The following B3GAT2 variants were observed in gnomAD, a reference collection of about 807,000 sequenced individuals.
The protein encoded by B3GAT2 is beta-1,3-glucuronyltransferase 2.
B3GAT2 carries 26 observed loss-of-function variants against 27.8 expected under a neutral mutation model. That is an observed-to-expected ratio of 0.93 (90% CI 0.68 to 1.30). The LOEUF (loss-of-function observed/expected upper bound fraction) is 1.30, where lower values mean the gene tolerates loss of function less well. Ranked by LOEUF, B3GAT2 falls within the 50% of genes most tolerant of loss-of-function variation. The probability of loss-of-function intolerance (pLI) is 0.00; values close to 1 mark genes in which losing one functional copy is unlikely to be tolerated. For missense variants in B3GAT2, 458 were observed against 459.0 expected (o/e 1.00, Z 0.02); for synonymous variants, 218 against 195.1 (o/e 1.12, Z -0.98).
At chr6:70,926,238 C>G (rs1005108570) in intron 1 of B3GAT2, among the ~76,000 whole-genome samples, 4 of 152,090 alleles carry the variant, frequency 2.6e-5, no homozygotes, top group African/African-American at 9.7e-5. Flanking sequence ...AGTAGAAAAG[C>G]CAAAAATTTT....
chr6:70,913,472 T>C (rs950065418), intron 1 of B3GAT2, among the ~76,000 whole-genome samples: 3 of 152,234 alleles, frequency 2.0e-5, no homozygotes, highest in Admixed American at 2.0e-4. Context: ...CAAAAGTCAT[T>C]CAGGAGCAGG....
intron 2 of B3GAT2, among the ~76,000 whole-genome samples, chr6:70,890,738 C>G (rs1009930451): frequency 1.3e-5 from 2 of 152,174 alleles, no homozygotes; most frequent in Admixed American, 6.5e-5. Context: ...CCTGTGGGGT[C>G]TGCACCAACT....
chr6:70,882,325 C>T (rs1299460226), intron 2 of B3GAT2, among the ~76,000 whole-genome samples: 3 of 151,992 alleles, frequency 2.0e-5, no homozygotes, highest in Non-Finnish European at 2.9e-5. Flanking sequence ...CATGGTGAAA[C>T]CCCGTCTCTA....
At chr6:70,914,760 C>CT (rs60589382) in intron 1 of B3GAT2, among the ~76,000 whole-genome samples, 73,733 of 151,082 alleles carry the variant, frequency 0.49, 18,542 homozygotes, top group East Asian at 0.69. Flanking sequence ...AATTGAATAA[C>CT]TTTTTTTTTA....
At chr6:70,955,806 C>T (rs1188629198) in intron 1 of B3GAT2, 33 bp downstream of exon 1, 1 of 1,536,426 alleles carries the variant, frequency 6.5e-7, no homozygotes, top group Middle Eastern at 1.7e-4. Flanking sequence ...CACTCCCGCC[C>T]TCGCCCACCC....
In B3GAT2 at chr6:70,913,563, A is replaced by G. The variant is rs566701289; in HGVS notation, c.592-19291T>C. ...TACTTTTGTTGCGCCATGGTCCAAG[A>G]GTGTGGTTAGTGTGATTCTTGTGTT... is the stretch of plus-strand genomic sequence containing the variant. On this transcript the variant is annotated intron_variant, in intron 1 of 3. Coordinates refer to ENST00000230053, the MANE Select transcript of B3GAT2 (RefSeq NM_080742.3). Among the ~76,000 whole-genome samples the G allele has an allele frequency of 1.4e-4, 21 of 152,262 alleles. 1 individual carries two copies. The South Asian group carries it at 4.3e-3, about 32-fold the overall frequency.
At chr6:70,923,388 C>A (rs1300889023) in intron 1 of B3GAT2, among the ~76,000 whole-genome samples, 1 of 152,146 alleles carries the variant, frequency 6.6e-6, no homozygotes, top group East Asian at 1.9e-4. Context: ...ACTTAAAACC[C>A]TGCTTAGTCC....
chr6:70,898,407 T>G (rs1044785484), intron 1 of B3GAT2, among the ~76,000 whole-genome samples: 3 of 152,082 alleles, frequency 2.0e-5, no homozygotes, highest in Non-Finnish European at 4.4e-5. Context: ...CCTCCCCAAC[T>G]CACTCCAGCT....
chr6:70,885,869 G>A (rs1772175962), intron 2 of B3GAT2, among the ~76,000 whole-genome samples: 1 of 152,170 alleles, frequency 6.6e-6, no homozygotes, highest in African/African-American at 2.4e-5. Flanking sequence ...CAGCCTGTAT[G>A]TGTCAGAGCA....
chr6:70,956,718 G>A lies in B3GAT2; in HGVS notation c.-289C>T, dbSNP rs1256248472. 3.5e-5 allele frequency: 46 copies of A among 1,330,544 alleles called. No homozygotes were observed. The highest frequency in any genetic ancestry group is 4.3e-5 in the Non-Finnish European group (45 of 1,040,698). The allele number at this position is 1,330,544 out of a possible 1,614,324, so 82.4% of individuals were successfully genotyped here. A position where few individuals can be genotyped will look rare whatever the true frequency, so the allele number is the denominator to read the frequency against. ...GCGGGACTCGGTCCAGCCGCGCGCC[G>A]CCGGTCCCGGAGTTGTGCCGAGTGC... On this transcript the variant is annotated 5_prime_UTR_variant, in exon 1 of 4. Coordinates refer to ENST00000230053, the MANE Select transcript of B3GAT2 (RefSeq NM_080742.3).
chr6:70,923,035 G>C (rs1432871568), intron 1 of B3GAT2, among the ~76,000 whole-genome samples: 1 of 152,112 alleles, frequency 6.6e-6, no homozygotes, highest in Non-Finnish European at 1.5e-5. Context: ...TATTAAATGA[G>C]TTAAAACATA....
intron 2 of B3GAT2, among the ~76,000 whole-genome samples, chr6:70,865,209 C>T (rs1015207534): frequency 3.4e-4 from 51 of 152,212 alleles, no homozygotes; most frequent in African/African-American, 1.2e-3. Context: ...TCACTGCAAC[C>T]TCTGCCTCCT....
Position 70,956,583 on chromosome 6 carries a change from G to C in B3GAT2, c.-154C>G. 6.9e-7 allele frequency: 1 copy of C among 1,454,126 alleles called. No individual in the cohort carries two copies. The highest frequency in any genetic ancestry group is 9.0e-7 in the Non-Finnish European group (1 of 1,109,980). 90.1% of individuals were successfully genotyped at this position (1,454,126 alleles called of 1,614,324 possible). ...GGCGCTGCAGAGACCTGGAGCCGCGGGGCTCACTACCTGGGCGTGGAGGAG... is the reference window on the plus strand; with the variant it reads ...GGCGCTGCAGAGACCTGGAGCCGCGCGGCTCACTACCTGGGCGTGGAGGAG... On this transcript the variant is annotated 5_prime_UTR_variant, in exon 1 of 4. Transcript: ENST00000230053.
At position 70,888,238 on chromosome 6, in the gene B3GAT2, T is replaced by C. The variant is rs1220215174; in HGVS notation, c.736+5890A>G. Among the ~76,000 whole-genome samples the C allele has an allele frequency of 6.7e-5, 10 of 150,364 alleles. No individual in the cohort carries two copies. The South Asian group carries it at 8.4e-4, about 13-fold the overall frequency. On this transcript the variant is annotated intron_variant, in intron 2 of 3. Transcript: ENST00000230053. ...CAGGTGATGTGATTTTTTTTTTTTT[T>C]CCTAATATGCAGACTCCTATTTTAC...
At chr6:70,910,629 T>C (rs1427286369) in intron 1 of B3GAT2, among the ~76,000 whole-genome samples, 1 of 152,252 alleles carries the variant, frequency 6.6e-6, no homozygotes, top group Non-Finnish European at 1.5e-5. Context: ...AGTGCTGCGA[T>C]GAACGTGTGT....
At chr6:70,929,142 T>C (rs924714626) in intron 1 of B3GAT2, among the ~76,000 whole-genome samples, 3 of 150,734 alleles carry the variant, frequency 2.0e-5, no homozygotes, top group African/African-American at 4.9e-5. Flanking sequence ...TTCTCACTCA[T>C]AGGTGGGAAT....
intron 2 of B3GAT2, among the ~76,000 whole-genome samples, chr6:70,873,715 T>A (rs958758405): frequency 6.6e-6 from 1 of 152,118 alleles, no homozygotes; most frequent in African/African-American, 2.4e-5. Flanking sequence ...AATAAGACTA[T>A]GAGGTCCTGT....
At chr6:70,915,234 C>T (rs1772752189) in intron 1 of B3GAT2, among the ~76,000 whole-genome samples, 1 of 152,050 alleles carries the variant, frequency 6.6e-6, no homozygotes, top group Non-Finnish European at 1.5e-5. Context: ...ATATCCTTTG[C>T]CCACTTTTTG....
At chr6:70,945,474 T>A (rs372244099) in intron 1 of B3GAT2, among the ~76,000 whole-genome samples, 1 of 151,602 alleles carries the variant, frequency 6.6e-6, no homozygotes, top group Non-Finnish European at 1.5e-5. Flanking sequence ...AGGGTATCAG[T>A]GATGGAAGAT....
Sources: gnomAD v4.1 joint callset for allele counts (sites outside exome capture counted in the v4.1 genomes callset) on GRCh38, gnomAD v4.1.1 for gene constraint, MANE v1.5 for transcripts, NCBI Gene and HGNC (gene_info 2026-07-23, HGNC 2026-07-21) for gene names.